GALNT16: variants seen among roughly 807,000 people sequenced by gnomAD.
The protein encoded by GALNT16 is polypeptide N-acetylgalactosaminyltransferase 16.
In GALNT16, 40 loss-of-function variants were observed where a neutral mutation model predicts 76.1. The ratio of observed to expected loss-of-function variants is 0.53; its 90% confidence interval spans 0.41 to 0.68. GALNT16 has a LOEUF of 0.68. GALNT16 is among the 30% of genes least tolerant of loss of function. GALNT16 has a pLI of 0.00. For synonymous variants in GALNT16, 276 were observed against 285.2 expected, an observed-to-expected ratio of 0.97 and a Z score of 0.32; for missense variants, 621 against 731.9, an observed-to-expected ratio of 0.85 and a Z score of 1.75.
intron 5 of GALNT16, among the ~76,000 whole-genome samples, chr14:69,326,638 A>G (rs1333053877): frequency 6.6e-6 from 1 of 152,148 alleles, no homozygotes; most frequent in Non-Finnish European, 1.5e-5. Flanking sequence ...AGACAGGTAA[A>G]GGGGAGCAAG....
intron 1 of GALNT16, among the ~76,000 whole-genome samples, chr14:69,305,025 T>G (rs1289847689): frequency 3.1e-5 from 2 of 65,328 alleles, no homozygotes; most frequent in African/African-American, 5.8e-5. Context: ...CTATTGTTAA[T>G]TTTTTTAAGA....
the GALNT16 span, among the ~76,000 whole-genome samples, chr14:69,384,276 A>G: frequency 3.3e-5 from 5 of 152,250 alleles, no homozygotes; most frequent in African/African-American, 4.8e-5. Context: ...GAGTTGCTGC[A>G]TATCTAATAA....
At chr14:69,278,008 CT>C (rs535285438) in intron 1 of GALNT16, among the ~76,000 whole-genome samples, 869 of 140,370 alleles carry the variant, frequency 6.2e-3, no homozygotes, top group Middle Eastern at 0.011. Flanking sequence ...GAAATACCAT[CT>C]TTTTTTTTTT....
At chr14:69,304,816 G>A (rs996324898) in intron 1 of GALNT16, among the ~76,000 whole-genome samples, 5 of 152,148 alleles carry the variant, frequency 3.3e-5, no homozygotes, top group Admixed American at 1.3e-4. Flanking sequence ...TCTTTCTCAA[G>A]GCTGAATAGT....
At chr14:69,349,265 A>G (rs2045603040) in intron 14 of GALNT16, 1 of 152,220 alleles carries the variant, frequency 6.6e-6, no homozygotes, top group African/African-American at 2.4e-5. Flanking sequence ...CTCTGAGGGC[A>G]AATCCTTGAG....
At position 69,301,103 on chromosome 14, in the gene GALNT16, G is replaced by A. The variant is rs187032317; in HGVS notation, c.178-19608G>A. On this transcript the variant is annotated intron_variant, in intron 1 of 14. Transcript: ENST00000448469. ...GCCCAAAAGGAACTTGGGGATTTCA[G>A]GCTCCAGGGAGTGCCAAAGGCTTGG... Among the ~76,000 whole-genome samples, 1,006 of 124,854 alleles carry A rather than the reference G, an allele frequency of 8.1e-3. 14 individuals are homozygous for A. The highest frequency in any genetic ancestry group is 0.03 in the African/African-American group (948 of 31,224). The allele number at this position is 124,854 out of a possible 152,430, so 81.9% of individuals were successfully genotyped here.
chr14:69,345,791 T>C (rs2045555015), intron 12 of GALNT16, among the ~76,000 whole-genome samples: 1 of 152,050 alleles, frequency 6.6e-6, no homozygotes, highest in African/African-American at 2.4e-5. Flanking sequence ...TTTAATAATA[T>C]AATATTTTAA....
At chr14:69,277,023 G>C (rs954140203) in intron 1 of GALNT16, among the ~76,000 whole-genome samples, 2 of 152,156 alleles carry the variant, frequency 1.3e-5, no homozygotes, top group South Asian at 4.1e-4. Context: ...TGATGGACTG[G>C]CATTGAAGGC....
At chr14:69,270,676 G>A (rs1488705264) in intron 1 of GALNT16, among the ~76,000 whole-genome samples, 1 of 152,204 alleles carries the variant, frequency 6.6e-6, no homozygotes, top group East Asian at 1.9e-4. Context: ...GTTCCAGGGG[G>A]CTTCACTTCT....
the GALNT16 span, among the ~76,000 whole-genome samples, chr14:69,372,821 C>T: frequency 1.3e-5 from 2 of 152,168 alleles, no homozygotes; most frequent in African/African-American, 4.8e-5. Context: ...AGCATTTGTC[C>T]TCAACAGCCT....
chr14:69,323,362 G>C (rs2045231494), intron 2 of GALNT16, among the ~76,000 whole-genome samples: 1 of 152,222 alleles, frequency 6.6e-6, no homozygotes, highest in Non-Finnish European at 1.5e-5. Flanking sequence ...CATGCCGAAA[G>C]GGCTGGAGGG....
At chr14:69,278,526 G>A (rs552412016) in intron 1 of GALNT16, among the ~76,000 whole-genome samples, 1 of 152,086 alleles carries the variant, frequency 6.6e-6, no homozygotes, top group East Asian at 1.9e-4. Context: ...ACTATATCAC[G>A]AATACTCTTC....
chr14:69,351,794 T>C (rs45603535), intron 14 of GALNT16: 709 of 443,542 alleles, frequency 1.6e-3, no homozygotes, highest in Middle Eastern at 2.4e-3. Context: ...GCAGGTGTAG[T>C]CCTAGCTACT....
At chr14:69,268,956 G>T (rs140979820) in intron 1 of GALNT16, among the ~76,000 whole-genome samples, 1 of 152,306 alleles carries the variant, frequency 6.6e-6, no homozygotes, top group East Asian at 1.9e-4. Flanking sequence ...GGCCAGACAC[G>T]TTAGGCCTTG....
chr14:69,323,506 C>A (rs974015605), intron 2 of GALNT16, among the ~76,000 whole-genome samples: 11 of 152,296 alleles, frequency 7.2e-5, no homozygotes, highest in East Asian at 3.9e-4. Context: ...AGGACTGGGG[C>A]CCTGGAGGTC....
chr14:69,281,205 C>T (rs2044537048), intron 1 of GALNT16, among the ~76,000 whole-genome samples: 1 of 152,210 alleles, frequency 6.6e-6, no homozygotes, highest in Non-Finnish European at 1.5e-5. Context: ...ACAGGGCCTA[C>T]TGTGTGTCAC....
At chr14:69,364,116 CAGTA>C in the GALNT16 span, among the ~76,000 whole-genome samples, 4 of 152,198 alleles carry the variant, frequency 2.6e-5, no homozygotes, top group East Asian at 5.8e-4. This position sits in a 1 kb window ranked among gnomAD's most constrained non-coding sequence, Gnocchi z 4.2. Flanking sequence ...TGGGTGCTTG[CAGTA>C]AGTGTTTCTT....
intron 2 of GALNT16, among the ~76,000 whole-genome samples, chr14:69,322,925 G>GTGTGTGTGTGTGT (rs1555400138): frequency 9.6e-6 from 1 of 103,780 alleles, no homozygotes; most frequent in African/African-American, 3.9e-5. Flanking sequence ...TGGCTCACGG[G>GTGTGTGTGTGTGT]GTGTGTGTGT....
chr14:69,370,184 AT>A, the GALNT16 span, among the ~76,000 whole-genome samples: 8 of 152,300 alleles, frequency 5.3e-5, no homozygotes, highest in African/African-American at 1.9e-4. Context: ...GGCCCCAAAC[AT>A]TCCCCACTGC....
Sources: allele counts gnomAD v4.1 joint callset (sites outside exome capture counted in the v4.1 genomes callset), GRCh38; gene constraint gnomAD v4.1.1; non-coding constraint Gnocchi (gnomAD v3.1); transcripts MANE v1.5; gene names NCBI Gene and HGNC (gene_info 2026-07-23, HGNC 2026-07-21).